Variants in PTPN14 observed in about 807,000 individuals in gnomAD.
The protein encoded by PTPN14 is protein tyrosine phosphatase non-receptor type 14, also known as tyrosine-protein phosphatase non-receptor type 14.
Under a neutral mutation model 126.8 loss-of-function variants are expected in PTPN14, and 53 were observed. The observed-to-expected ratio is 0.42, with a 90% CI of 0.34 to 0.53. The LOEUF (loss-of-function observed/expected upper bound fraction) is 0.53, where lower values mean the gene tolerates loss of function less well. PTPN14 is among the 20% of genes least tolerant of loss of function. The probability of loss-of-function intolerance (pLI) is 0.08; values close to 1 mark genes in which losing one functional copy is unlikely to be tolerated. For synonymous variants in PTPN14, 630 were observed against 599.3 expected (o/e 1.05, Z -0.75); for missense variants, 1,257 against 1,552.9 (o/e 0.81, Z 3.20).
At chr1:214,395,461 A>G (rs1658855502) in intron 8 of PTPN14, among the ~76,000 whole-genome samples, 2 of 152,292 alleles carry the variant, frequency 1.3e-5, no homozygotes, top group African/African-American at 2.4e-5. Context: ...TGAAGCAGGA[A>G]TGACAAGAAA....
chr1:214,503,749 G>A (rs1490173212), intron 1 of PTPN14, among the ~76,000 whole-genome samples: 4 of 152,224 alleles, frequency 2.6e-5, no homozygotes, highest in Admixed American at 6.5e-5. Flanking sequence ...TGTCAGCAAT[G>A]TTGTGAGTCA....
At chr1:214,543,624 T>C (rs1435193865) in intron 1 of PTPN14, among the ~76,000 whole-genome samples, 1 of 152,070 alleles carries the variant, frequency 6.6e-6, no homozygotes. Flanking sequence ...ATTCATTCAC[T>C]GATTCTATAA....
intron 1 of PTPN14, among the ~76,000 whole-genome samples, chr1:214,515,352 C>T (rs538962003): frequency 1.3e-5 from 2 of 152,176 alleles, no homozygotes; most frequent in African/African-American, 2.4e-5. Flanking sequence ...GCCAGCACCA[C>T]ACTCTTTTGT....
At position 214,436,198 on chromosome 1, in the gene PTPN14, A is replaced by T. The variant is rs546756568; in HGVS notation, c.344+15607T>A. On this transcript the variant is annotated intron_variant, in intron 3 of 18. Coordinates refer to ENST00000366956, the MANE Select transcript of PTPN14 (RefSeq NM_005401.5). ...TTTAAGTGGGAGCTAAACATCTAGA[A>T]CACATGGGCACAAAGAAGGGAATAA... 2.0e-5 allele frequency among the ~76,000 whole-genome samples: 3 copies of T among 152,268 alleles called. No homozygotes were observed. In the South Asian group the frequency reaches 6.2e-4, roughly 32 times the overall value.
intron 1 of PTPN14, among the ~76,000 whole-genome samples, chr1:214,515,020 G>A (rs1055191583): frequency 5.3e-5 from 8 of 152,110 alleles, no homozygotes; most frequent in South Asian, 2.1e-4. Context: ...TGCCGTGACC[G>A]AGCAGGACTA....
chr1:214,393,624 C>A, intron 10 of PTPN14, 71 bp downstream of exon 10: 1 of 1,208,694 alleles, frequency 8.3e-7, no homozygotes, highest in South Asian at 1.3e-5. Flanking sequence ...AAGAGATCTA[C>A]AGCACCCCAA....
chr1:214,465,951 C>CTTTTTTTTCTTTTTTTTTTTTTTTT (rs1660625660), intron 1 of PTPN14, among the ~76,000 whole-genome samples: 1 of 59,024 alleles, frequency 1.7e-5, no homozygotes, highest in Non-Finnish European at 2.9e-5. Context: ...CAGTTACTTC[C>CTTTTTTTTCTTTTTTTTTTTTTTTT]TTTTTTTTTT....
chr1:214,381,141 A>T (rs1314265508), intron 13 of PTPN14, among the ~76,000 whole-genome samples: 1 of 152,236 alleles, frequency 6.6e-6, no homozygotes, highest in South Asian at 2.1e-4. Context: ...TAATGCAAGG[A>T]GCTCTAAGGA....
chr1:214,374,031 A>C (rs1314224150), intron 15 of PTPN14, among the ~76,000 whole-genome samples: 7 of 152,168 alleles, frequency 4.6e-5, no homozygotes, highest in Non-Finnish European at 8.8e-5. Flanking sequence ...TTGTACCCAA[A>C]GTGTTAAAGG....
intron 3 of PTPN14, among the ~76,000 whole-genome samples, chr1:214,449,748 G>C (rs571278497): frequency 6.6e-6 from 1 of 152,064 alleles, no homozygotes; most frequent in South Asian, 2.1e-4. Flanking sequence ...ATGAAAAACT[G>C]AACACTAGGT....
At chr1:214,379,476 G>A (rs976707057) in intron 13 of PTPN14, among the ~76,000 whole-genome samples, 2 of 152,164 alleles carry the variant, frequency 1.3e-5, no homozygotes, top group African/African-American at 2.4e-5. Context: ...GGTGGCAGCC[G>A]ACTCATCAGA....
intron 1 of PTPN14, among the ~76,000 whole-genome samples, chr1:214,525,344 T>C (rs574215540): frequency 6.6e-6 from 1 of 152,316 alleles, no homozygotes; most frequent in South Asian, 2.1e-4. Flanking sequence ...TCTGAAAATA[T>C]ATCCAAACAA....
At chr1:214,419,515 T>C (rs945732766) in intron 3 of PTPN14, among the ~76,000 whole-genome samples, 3 of 152,164 alleles carry the variant, frequency 2.0e-5, no homozygotes, top group Non-Finnish European at 2.9e-5. Flanking sequence ...AGACTTAAAA[T>C]GTGCTTTCCT....
chr1:214,466,517 C>T (rs770056172), intron 1 of PTPN14, among the ~76,000 whole-genome samples: 3 of 152,142 alleles, frequency 2.0e-5, no homozygotes, highest in Non-Finnish European at 4.4e-5. Flanking sequence ...GACATTATTG[C>T]CATGGACAAC....
At chr1:214,490,030 G>C (rs1661196623) in intron 1 of PTPN14, among the ~76,000 whole-genome samples, 1 of 152,128 alleles carries the variant, frequency 6.6e-6, no homozygotes, top group Non-Finnish European at 1.5e-5. Flanking sequence ...ATAAAGTATA[G>C]GCCAAAGCCA....
At chr1:214,541,575 G>A (rs1034005971) in intron 1 of PTPN14, among the ~76,000 whole-genome samples, 2 of 152,092 alleles carry the variant, frequency 1.3e-5, no homozygotes, top group African/African-American at 4.8e-5. Flanking sequence ...ACTCCAAGAG[G>A]GCTTTCGCAG....
intron 1 of PTPN14, among the ~76,000 whole-genome samples, chr1:214,473,877 A>G (rs1404409970): frequency 6.6e-6 from 1 of 152,240 alleles, no homozygotes; most frequent in Non-Finnish European, 1.5e-5. Flanking sequence ...CAGTACCCAA[A>G]TCATATCCAT....
At chr1:214,418,507 A>C (rs1006956301) in intron 3 of PTPN14, among the ~76,000 whole-genome samples, 1 of 152,266 alleles carries the variant, frequency 6.6e-6, no homozygotes, top group African/African-American at 2.4e-5. Flanking sequence ...GGGCATGAAC[A>C]ACCACAGGGA....
At chr1:214,520,065 A>AAAAAAAAAAAAAAAAAAAATATATAT in intron 1 of PTPN14, among the ~76,000 whole-genome samples, 1 of 71,138 alleles carries the variant, frequency 1.4e-5, no homozygotes, top group Non-Finnish European at 2.4e-5. Flanking sequence ...AAAAAAAAAA[A>AAAAAAAAAAAAAAAAAAAATATATAT]ATATATATAT....
Sources: allele counts gnomAD v4.1 joint callset (sites outside exome capture counted in the v4.1 genomes callset), GRCh38; gene constraint gnomAD v4.1.1; transcripts MANE v1.5; gene names NCBI Gene and HGNC (gene_info 2026-07-23, HGNC 2026-07-21).